Variants in C9orf78 observed in about 807,000 individuals in gnomAD.
C9orf78 encodes splicing factor C9orf78.
A neutral mutation model predicts 37.4 loss-of-function variants in C9orf78; 19 were observed. The ratio of observed to expected loss-of-function variants is 0.51; its 90% confidence interval spans 0.35 to 0.74. The LOEUF (loss-of-function observed/expected upper bound fraction) is 0.74, where lower values mean the gene tolerates loss of function less well. Ranked by LOEUF, C9orf78 falls within the 30% of genes least tolerant of loss-of-function variation. The pLI is 0.01. For synonymous variants in C9orf78, 130 were observed against 128.0 expected (o/e 1.02, Z -0.10); for missense variants, 291 against 370.8 (o/e 0.78, Z 1.77).
intron 4 of C9orf78, among the ~76,000 whole-genome samples, chr9:129,832,997 ATG>A (rs759388385): frequency 0.028 from 2,985 of 108,122 alleles, 35 homozygotes; most frequent in Middle Eastern, 0.049. Flanking sequence ...ATATATATAT[ATG>A]TGTGTGTGTG....
chr9:129,829,095 T>C, intron 8 of C9orf78, 110 bp downstream of exon 8: 1 of 762,364 alleles, frequency 1.3e-6, no homozygotes, highest in Non-Finnish European at 2.3e-6. Context: ...GGAACCCATA[T>C]GCCCCGGCTC....
intron 1 of C9orf78, 83 bp downstream of exon 1, chr9:129,835,056 G>T: frequency 1.8e-6 from 2 of 1,125,946 alleles, no homozygotes; most frequent in Non-Finnish European, 2.7e-6. Flanking sequence ...AGTTAACAAT[G>T]TCAGCGAAGC....
intron 1 of C9orf78, 67 bp downstream of exon 1, chr9:129,835,072 G>A: frequency 8.1e-7 from 1 of 1,227,144 alleles, no homozygotes; most frequent in Non-Finnish European, 1.2e-6. Flanking sequence ...GAAGCGCCGA[G>A]CCGGTGGTGA....
chr9:129,833,362 T>C lies in C9orf78; in HGVS notation c.266+85A>G, dbSNP rs143962988. ...CTTCAAGATGTCCTACTAATGCTGCTGCTACAGGCCCCAGCTCTCTGAGGG... is the reference window on the plus strand; with the variant it reads ...CTTCAAGATGTCCTACTAATGCTGCCGCTACAGGCCCCAGCTCTCTGAGGG... On this transcript the variant is annotated intron_variant, in intron 4 of 8. Transcript: ENST00000372447. 4.9e-5 allele frequency: 37 copies of C among 760,406 alleles called. No individual in the cohort carries two copies. The East Asian group carries it at 8.8e-4, about 18-fold the overall frequency. The allele number at this position is 760,406 out of a possible 1,614,324, so 47.1% of individuals were successfully genotyped here.
At chr9:129,829,739 C>T in intron 6 of C9orf78, 198 bp from the exon 7 acceptor site, 2 of 526,078 alleles carry the variant, frequency 3.8e-6, no homozygotes. Context: ...TTACTCTGCT[C>T]TTCTGATCAA....
Position 129,833,721 on chromosome 9 carries a change from C to CA in C9orf78, c.144-13dup, listed in dbSNP as rs747060200. 5.3e-3 allele frequency: 6,778 copies of CA among 1,287,040 alleles called. 2 individuals are homozygous for CA. Among genetic ancestry groups the CA allele is most frequent in the African/African-American group, 0.013 (807 of 63,872 alleles). 79.7% of individuals were successfully genotyped at this position (1,287,040 alleles called of 1,614,324 possible). ...GCAAGGCCACAGCACTGAGCAAAAC[C>CA]AAAAAAAAAAGAGAGGGGGAGAGAG... is the stretch of plus-strand genomic sequence containing the variant. On this transcript the variant is annotated splice_polypyrimidine_tract_variant and intron_variant, in intron 2 of 8. Coordinates refer to ENST00000372447, the MANE Select transcript of C9orf78 (RefSeq NM_016520.3).
intron 2 of C9orf78, 53 bp downstream of exon 2, chr9:129,834,654 C>T: frequency 7.8e-7 from 1 of 1,286,368 alleles, no homozygotes; most frequent in Non-Finnish European, 1.1e-6. Flanking sequence ...GACCCGGACG[C>T]GGATGTGTCT....
chr9:129,834,205 A>T (rs2031607586), intron 2 of C9orf78: 1 of 183,332 alleles, frequency 5.5e-6, no homozygotes, highest in Admixed American at 5.6e-5. Context: ...CAATGTCATA[A>T]TGAGTTGAAA....
intron 5 of C9orf78, chr9:129,831,550 G>T: frequency 4.1e-6 from 1 of 246,188 alleles, no homozygotes; most frequent in Non-Finnish European, 8.0e-6. Context: ...TCAGCCTCCC[G>T]AGTAGCTGGG....
rs1386015370 is a variant in C9orf78, at chr9:129,834,725, T to C, written c.125A>G (p.Lys42Arg). 1 of 1,612,540 alleles carries C rather than the reference T, an allele frequency of 6.2e-7. No individual in the cohort carries two copies. Among genetic ancestry groups the C allele is most frequent in the Non-Finnish European group, 8.5e-7 (1 of 1,178,876 alleles). The change falls in exon 2 of 9, where the codon AAG becomes AGG. Residue 42 changes from lysine to arginine, a missense_variant. Lys to Arg is a conservative substitution (Grantham distance 26). Around this residue, in one of 3 missense-constraint regions of C9orf78, gnomAD observed 158 missense variants for 174.8 expected, o/e 0.90. Coordinates refer to ENST00000372447, the MANE Select transcript of C9orf78 (RefSeq NM_016520.3). ...TACCCACCTCACCCCGTTGGGCCTC[T>C]TCCTCAAGTTCTGTACCTCTCTGGT... Reference protein sequence around the residue: ...EETREVQNLRKRPNGVSAVAL... With the variant: ...EETREVQNLRRRPNGVSAVAL...
rs3834393 is a variant in C9orf78, at chr9:129,834,256, T to TGA, written c.143+449_143+450dup. 4.3e-4 allele frequency: 79 copies of TGA among 181,658 alleles called. 1 individual carries two copies. In the East Asian group the frequency reaches 0.01, roughly 24 times the overall value. 11.3% of individuals were successfully genotyped at this position (181,658 alleles called of 1,614,324 possible). On this transcript the variant is annotated intron_variant, in intron 2 of 8. Coordinates refer to ENST00000372447, the MANE Select transcript of C9orf78 (RefSeq NM_016520.3). ...AGTACATAGAAAGTTGTTCACAATC[T>TGA]GAGAGAGAGAGACGAAAAAAAACAG...
Position 129,835,101 on chromosome 9 carries a change from TC to T in C9orf78, c.83+37del, listed in dbSNP as rs779654293. On this transcript the variant is annotated intron_variant, in intron 1 of 8. Coordinates refer to ENST00000372447, the MANE Select transcript of C9orf78 (RefSeq NM_016520.3). Reference sequence around the variant, plus strand: ...GTGGTGAGTCCCCCAAACAAGTCTATCTTTACCAAGCCTATGGGAGCCCCGC... The same window carrying T: ...GTGGTGAGTCCCCCAAACAAGTCTATTTTACCAAGCCTATGGGAGCCCCGC... The T allele has an allele frequency of 4.0e-6, 6 of 1,505,632 alleles. No homozygotes were observed. The African/African-American group carries it at 6.9e-5, about 17-fold the overall frequency. The allele number at this position is 1,505,632 out of a possible 1,614,324, so 93.3% of individuals were successfully genotyped here.
intron 4 of C9orf78, 42 bp downstream of exon 4, chr9:129,833,405 C>T (rs748592864): frequency 1.7e-6 from 2 of 1,184,834 alleles, no homozygotes; most frequent in Middle Eastern, 1.9e-4. Context: ...ACCCAGGCAG[C>T]CGCTAAAGGT....
chr9:129,829,472 C>G lies in C9orf78; in HGVS notation c.612G>C (p.Lys204Asn), dbSNP rs2031434999. The change falls in exon 7 of 9, where the codon AAG becomes AAC. Residue 204 changes from lysine (K) to asparagine (N), a missense_variant. Transcript: ENST00000372447. ...KARLLAEQQN[K>N]KKDSETSFVP... is the part of the protein sequence containing the mutation. ...CGAAGGAGGTCTCGCTGTCTTTCTT[C>G]TTGTTCTGCTGCTCTGCCAGCAGAC... 5 of 1,613,884 alleles carry G rather than the reference C, an allele frequency of 3.1e-6. No individual in the cohort carries two copies. The South Asian group carries it at 5.5e-5, about 18-fold the overall frequency.
chr9:129,829,470 T>C lies in C9orf78; in HGVS notation c.614A>G (p.Lys205Arg). 6.2e-7 allele frequency: 1 copy of C among 1,614,146 alleles called. No homozygotes were observed. Among genetic ancestry groups the C allele is most frequent in the Non-Finnish European group, 8.5e-7 (1 of 1,180,000 alleles). The change falls in exon 7 of 9, where the codon AAG becomes AGG. Residue 205 changes from lysine to arginine, a missense_variant. By Grantham distance (26) the Lys-to-Arg change is conservative. Coordinates refer to ENST00000372447, the MANE Select transcript of C9orf78 (RefSeq NM_016520.3). ...ARLLAEQQNK[K>R]KDSETSFVPT... ...CACGAAGGAGGTCTCGCTGTCTTTC[T>C]TCTTGTTCTGCTGCTCTGCCAGCAG...
At chr9:129,832,703 T>C (rs1213836504) in intron 4 of C9orf78, among the ~76,000 whole-genome samples, 1 of 152,216 alleles carries the variant, frequency 6.6e-6, no homozygotes, top group African/African-American at 2.4e-5. Context: ...CCTCCTGAAG[T>C]GCTGGCATTA....
chr9:129,830,502 T>TC (rs1588223016), intron 6 of C9orf78: 1 of 277,600 alleles, frequency 3.6e-6, no homozygotes, highest in East Asian at 9.0e-5. Flanking sequence ...ACCATACCTG[T>TC]CCCCCATAAA....
chr9:129,828,727 C>A, intron 8 of C9orf78: 1 of 246,078 alleles, frequency 4.1e-6, no homozygotes, highest in Non-Finnish European at 8.1e-6. Context: ...ATGGCCAATA[C>A]CTTTTTCTTT....
At chr9:129,832,978 CGTGTGTGTATATATATATATGT>C (rs1312472413) in intron 4 of C9orf78, among the ~76,000 whole-genome samples, 1 of 142,008 alleles carries the variant, frequency 7.0e-6, no homozygotes, top group Admixed American at 7.0e-5. Flanking sequence ...TATATATATG[CGTGTGTGTATATATATATATGT>C]GTGTGTGTGT....
Sources: gnomAD v4.1 joint callset for allele counts (sites outside exome capture counted in the v4.1 genomes callset) on GRCh38, gnomAD v4.1.1 for gene constraint, gnomAD v4.1.1 regional missense constraint, MANE v1.5 for transcripts, NCBI Gene and HGNC (gene_info 2026-07-23, HGNC 2026-07-21) for gene names.